The following TPH2 variants were observed in gnomAD, a reference collection of about 807,000 sequenced individuals.
TPH2 encodes the protein tryptophan 5-hydroxylase 2.
Under a neutral mutation model 59.1 loss-of-function variants are expected in TPH2, and 27 were observed. The observed-to-expected ratio is 0.46, with a 90% CI of 0.34 to 0.63. The LOEUF (loss-of-function observed/expected upper bound fraction) is 0.63. TPH2 is among the 30% of genes least tolerant of loss of function. The probability of loss-of-function intolerance (pLI) is 0.01; values close to 1 mark genes in which losing one functional copy is unlikely to be tolerated. For missense variants in TPH2, 523 were observed against 588.3 expected, an observed-to-expected ratio of 0.89 and a Z score of 1.15; for synonymous variants, 220 against 210.5, an observed-to-expected ratio of 1.05 and a Z score of -0.39.
At chr12:71,983,061 A>C (rs897932733) in intron 7 of TPH2, among the ~76,000 whole-genome samples, 3 of 47,582 alleles carry the variant, frequency 6.3e-5, no homozygotes, top group African/African-American at 2.0e-4. Flanking sequence ...CCCTGAATCT[A>C]TAAAAATAAA....
chr12:71,980,872 T>C (rs1352691352), intron 7 of TPH2, among the ~76,000 whole-genome samples: 2 of 152,232 alleles, frequency 1.3e-5, no homozygotes, highest in Admixed American at 6.5e-5. Context: ...CAAACATTTA[T>C]GTGCAATGCT....
At chr12:71,945,801 C>T (rs76672830) in intron 4 of TPH2, among the ~76,000 whole-genome samples, 4,928 of 152,236 alleles carry the variant, frequency 0.032, 254 homozygotes, top group African/African-American at 0.11. Context: ...ACCATTCAAA[C>T]AAATGGTCAA....
chr12:71,943,546 G>T (rs772500689), intron 2 of TPH2, among the ~76,000 whole-genome samples: 52 of 152,292 alleles, frequency 3.4e-4, no homozygotes, highest in Non-Finnish European at 6.0e-4. Context: ...ATCCTTGGCT[G>T]AAGCTAGTTT....
intron 8 of TPH2, among the ~76,000 whole-genome samples, chr12:72,015,474 C>A (rs1053549274): frequency 1.3e-5 from 2 of 151,906 alleles, no homozygotes; most frequent in South Asian, 4.2e-4. Flanking sequence ...TGCCCACCAC[C>A]ACGCCCAGCT....
In TPH2 at chr12:72,031,721, A is replaced by G; in HGVS notation, c.*26A>G. ...TGCCTGGAACTATGTTGTTGCCAGC[A>G]TGATCTTTTTGGGGCTTAGCAGCAG... On this transcript the variant is annotated 3_prime_UTR_variant, in exon 11 of 11. Coordinates refer to ENST00000333850, the MANE Select transcript of TPH2 (RefSeq NM_173353.4). 6.2e-7 allele frequency: 1 copy of G among 1,612,982 alleles called. No individual in the cohort carries two copies. Among genetic ancestry groups the G allele is most frequent in the Non-Finnish European group, 8.5e-7 (1 of 1,179,116 alleles).
chr12:72,001,461 C>G (rs1261784501), intron 8 of TPH2, among the ~76,000 whole-genome samples: 2 of 150,386 alleles, frequency 1.3e-5, no homozygotes, highest in Admixed American at 1.3e-4. Context: ...AGTTCTCTCT[C>G]GTTGCCCAGG....
rs187840760 is a variant in TPH2 at position 71,938,899 on chromosome 12, G to T, written c.-88G>T. 1.2e-3 allele frequency: 1,389 copies of T among 1,137,744 alleles called. 5 individuals carry two copies. Among genetic ancestry groups the T allele is most frequent in the Non-Finnish European group, 1.7e-3 (1,283 of 753,434 alleles). The allele number at this position is 1,137,744 out of a possible 1,614,324, so 70.5% of individuals were successfully genotyped here. A position where few individuals can be genotyped will look rare whatever the true frequency, so the allele number is the denominator to read the frequency against. The stretch of plus-strand genomic sequence containing the variant: ...CAGCGCCCCAAGCAGGCAGCTGATC[G>T]CACGCCCCTTCCTCTCAATCTCCGC... On this transcript the variant is annotated 5_prime_UTR_variant, in exon 1 of 11. Transcript: ENST00000333850.
intron 4 of TPH2, among the ~76,000 whole-genome samples, chr12:71,948,506 A>C (rs1871258019): frequency 6.6e-6 from 1 of 152,142 alleles, no homozygotes; most frequent in Non-Finnish European, 1.5e-5. Context: ...AGTTCTCTCC[A>C]GCCAGGCAAG....
chr12:71,991,942 TCAGCCCTGG>T (rs1453023044), intron 7 of TPH2, among the ~76,000 whole-genome samples: 6 of 152,180 alleles, frequency 3.9e-5, no homozygotes, highest in Non-Finnish European at 7.3e-5. Flanking sequence ...ACAGTGAATC[TCAGCCCTGG>T]CTGTGTCTTA....
At chr12:71,944,710 T>C in intron 4 of TPH2, 24 bp downstream of exon 4, 2 of 1,600,586 alleles carry the variant, frequency 1.2e-6, no homozygotes, top group Non-Finnish European at 1.7e-6. Flanking sequence ...AAAATCTATT[T>C]CTCACATGCT....
intron 8 of TPH2, among the ~76,000 whole-genome samples, chr12:72,011,115 GGTAGCTA>G (rs553791893): frequency 1.1e-3 from 170 of 152,256 alleles, no homozygotes; most frequent in African/African-American, 3.7e-3. Context: ...GCTATTTCAA[GGTAGCTA>G]GTTATGTAAG....
chr12:71,953,635 T>G (rs572668512), intron 5 of TPH2, among the ~76,000 whole-genome samples: 2 of 152,292 alleles, frequency 1.3e-5, no homozygotes, highest in East Asian at 3.9e-4. Context: ...AATAATCTCA[T>G]TTAAGTGTGC....
chr12:71,960,559 A>G (rs1247771516), intron 5 of TPH2, among the ~76,000 whole-genome samples: 3 of 152,216 alleles, frequency 2.0e-5, no homozygotes, highest in Non-Finnish European at 2.9e-5. Flanking sequence ...AAGAAAGACA[A>G]AAGGGAAAAT....
chr12:71,982,149 G>A (rs547428548), intron 7 of TPH2, among the ~76,000 whole-genome samples: 2 of 151,062 alleles, frequency 1.3e-5, no homozygotes, highest in Non-Finnish European at 1.5e-5. Flanking sequence ...GGTTACAGGC[G>A]TGCAACACCA....
intron 6 of TPH2, among the ~76,000 whole-genome samples, chr12:71,976,597 T>C (rs1036574928): frequency 2.0e-5 from 3 of 152,194 alleles, no homozygotes; most frequent in Admixed American, 1.3e-4. Flanking sequence ...ATTGATGTAA[T>C]ATGGAAAAAG....
At chr12:71,984,454 CTTTTCCTCCT>C in intron 7 of TPH2, among the ~76,000 whole-genome samples, 1 of 152,186 alleles carries the variant, frequency 6.6e-6, no homozygotes, top group East Asian at 1.9e-4. Context: ...TCTTTCCCAA[CTTTTCCTCCT>C]TGTTCCCACT....
chr12:71,960,102 C>T (rs1046083512), intron 5 of TPH2, among the ~76,000 whole-genome samples: 1 of 152,108 alleles, frequency 6.6e-6, no homozygotes, highest in African/African-American at 2.4e-5. Flanking sequence ...GTTGTTGATG[C>T]TTTAATTTCT....
At chr12:72,006,471 C>A (rs1016642226) in intron 8 of TPH2, among the ~76,000 whole-genome samples, 2 of 151,962 alleles carry the variant, frequency 1.3e-5, no homozygotes, top group Non-Finnish European at 2.9e-5. Context: ...ACTGTCCTAA[C>A]AGGACTCTTG....
chr12:72,011,839 G>C (rs902443723), intron 8 of TPH2, among the ~76,000 whole-genome samples: 1 of 152,172 alleles, frequency 6.6e-6, no homozygotes, highest in African/African-American at 2.4e-5. Context: ...CTGTGGCAAG[G>C]AGGCTGGTTC....
Sources: gnomAD v4.1 joint callset for allele counts (sites outside exome capture counted in the v4.1 genomes callset) on GRCh38, gnomAD v4.1.1 for gene constraint, MANE v1.5 for transcripts, NCBI Gene and HGNC (gene_info 2026-07-23, HGNC 2026-07-21) for gene names.